The following TRAK1 variants were observed in gnomAD, a reference collection of about 807,000 sequenced individuals.
TRAK1 encodes the protein trafficking kinesin protein 1.
Under a neutral mutation model 92.1 loss-of-function variants are expected in TRAK1, and 33 were observed. The observed-to-expected ratio is 0.36, with a 90% CI of 0.27 to 0.48. The LOEUF (loss-of-function observed/expected upper bound fraction) is 0.48, where lower values mean the gene tolerates loss of function less well. Ranked by LOEUF, TRAK1 falls within the 20% of genes least tolerant of loss-of-function variation. The pLI, the probability that TRAK1 is intolerant of heterozygous loss-of-function variation, is 0.99. For missense variants in TRAK1, 1,123 were observed against 1,257.9 expected (o/e 0.89, Z 1.62); for synonymous variants, 521 against 517.3 (o/e 1.01, Z -0.10).
At chr3:42,040,969 C>T (rs145165747) in intron 1 of TRAK1, among the ~76,000 whole-genome samples, 21 of 152,174 alleles carry the variant, frequency 1.4e-4, no homozygotes, top group South Asian at 1.2e-3. Flanking sequence ...TGAGCCACTG[C>T]GCCCAGCCAC....
chr3:42,216,818 G>T (rs1190391974), intron 14 of TRAK1, among the ~76,000 whole-genome samples: 3 of 152,148 alleles, frequency 2.0e-5, no homozygotes, highest in Non-Finnish European at 2.9e-5. Context: ...ATATGTGCCT[G>T]TCTCTTCAAA....
chr3:42,145,903 C>T (rs1219538921), intron 2 of TRAK1: 1 of 242,606 alleles, frequency 4.1e-6, no homozygotes, highest in Admixed American at 5.7e-5. Flanking sequence ...TTGAAATCTC[C>T]TAGATTAATG....
Position 42,203,221 on chromosome 3 carries a change from A to G in TRAK1, c.1744+469A>G, listed in dbSNP as rs559437188. 2.0e-5 allele frequency: 22 copies of G among 1,078,752 alleles called. 1 individual carries two copies. In the South Asian group the frequency reaches 9.9e-4, roughly 49 times the overall value. The allele number at this position is 1,078,752 out of a possible 1,614,324, so 66.8% of individuals were successfully genotyped here. On this transcript the variant is annotated intron_variant, in intron 13 of 15. Coordinates refer to ENST00000327628, the MANE Select transcript of TRAK1 (RefSeq NM_001042646.3). ...TGGGGATTTTTTTTTCCCCATAACC[A>G]CCTGAATGTGATTTGTGGGCTTATG...
intron 1 of TRAK1, among the ~76,000 whole-genome samples, chr3:42,060,165 C>T (rs1367797311): frequency 6.6e-6 from 1 of 152,058 alleles, no homozygotes; most frequent in Admixed American, 6.6e-5. Context: ...AAGCTCCATC[C>T]ACATGGAGCT....
At chr3:42,035,841 A>C (rs749189235) in intron 1 of TRAK1, among the ~76,000 whole-genome samples, 12 of 152,152 alleles carry the variant, frequency 7.9e-5, no homozygotes, top group Non-Finnish European at 1.2e-4. Context: ...TCCCTTCTCC[A>C]GGACTTTTGC....
chr3:42,137,076 G>A (rs1428793075), intron 2 of TRAK1, among the ~76,000 whole-genome samples: 1 of 129,598 alleles, frequency 7.7e-6, no homozygotes, highest in Non-Finnish European at 1.7e-5. Context: ...CACTTTTTGT[G>A]AGATTTTTTT....
At chr3:42,200,295 C>T (rs1350096974) in intron 11 of TRAK1, among the ~76,000 whole-genome samples, 2 of 152,174 alleles carry the variant, frequency 1.3e-5, no homozygotes, top group Non-Finnish European at 2.9e-5. Context: ...TAAAATAACA[C>T]TTTCCAAAAT....
At chr3:42,133,164 C>T (rs993581032) in intron 2 of TRAK1, among the ~76,000 whole-genome samples, 4 of 152,096 alleles carry the variant, frequency 2.6e-5, no homozygotes, top group Non-Finnish European at 4.4e-5. Flanking sequence ...TGGGTCATGC[C>T]GCTCCTTTGT....
At chr3:42,157,689 G>A (rs1203334312) in intron 2 of TRAK1, among the ~76,000 whole-genome samples, 1 of 152,008 alleles carries the variant, frequency 6.6e-6, no homozygotes, top group Non-Finnish European at 1.5e-5. Flanking sequence ...AATCTGTTTT[G>A]AAATATGAAG....
At chr3:42,157,025 C>T (rs1371890287) in intron 2 of TRAK1, among the ~76,000 whole-genome samples, 4 of 151,698 alleles carry the variant, frequency 2.6e-5, no homozygotes, top group African/African-American at 7.3e-5. Flanking sequence ...TGGTGGCGGG[C>T]GCCTGTAATC....
At chr3:42,098,985 G>T (rs1286472222) in intron 1 of TRAK1, among the ~76,000 whole-genome samples, 1 of 152,000 alleles carries the variant, frequency 6.6e-6, no homozygotes, top group East Asian at 1.9e-4. Flanking sequence ...GGAATTGAGG[G>T]GCTGGGGGTC....
In TRAK1 at chr3:42,222,932, C is replaced by G; in HGVS notation, c.2067-10C>G. 6.2e-7 allele frequency: 1 copy of G among 1,606,730 alleles called. No individual in the cohort carries two copies. The highest frequency in any genetic ancestry group is 8.5e-7 in the Non-Finnish European group (1 of 1,174,810). On this transcript the variant is annotated splice_polypyrimidine_tract_variant and intron_variant, in intron 15 of 15. Transcript: ENST00000327628. ...ATTTCTGGTGAATAACCTGTCATTTCTTCTTTCAGCCTTAACTCAGCCCCA... is the reference window on the plus strand; with the variant it reads ...ATTTCTGGTGAATAACCTGTCATTTGTTCTTTCAGCCTTAACTCAGCCCCA...
In TRAK1 at chr3:42,164,183, T is replaced by TGAGTA; in HGVS notation, c.287-12630_287-12629insAGTAG. Among the ~76,000 whole-genome samples the TGAGTA allele has an allele frequency of 2.6e-5, 4 of 152,336 alleles. No homozygotes were observed. The South Asian group carries it at 8.3e-4, about 32-fold the overall frequency. On this transcript the variant is annotated intron_variant, in intron 2 of 15. Transcript: ENST00000327628. Reference sequence around the variant, plus strand: ...AGTCCCATGTGGAGCAGAAATACTCTGTGAGTAGTGAAAATATGTGTGTGG... The same window carrying TGAGTA: ...AGTCCCATGTGGAGCAGAAATACTCTGAGTAGTGAGTAGTGAAAATATGTGTGTGG...
intron 1 of TRAK1, among the ~76,000 whole-genome samples, chr3:42,025,983 GTC>G (rs1165521413): frequency 4.0e-5 from 6 of 151,692 alleles, no homozygotes; most frequent in African/African-American, 1.2e-4. Flanking sequence ...TTCTTCCTCT[GTC>G]TCTGTTTCTT....
At chr3:42,124,619 G>A (rs939714968) in intron 1 of TRAK1, among the ~76,000 whole-genome samples, 3 of 152,192 alleles carry the variant, frequency 2.0e-5, no homozygotes, top group African/African-American at 7.2e-5. Flanking sequence ...GGGTACAGGT[G>A]GTGGATCAAG....
intron 6 of TRAK1, among the ~76,000 whole-genome samples, chr3:42,191,197 C>T (rs1403670592): frequency 1.3e-5 from 2 of 152,048 alleles, no homozygotes; most frequent in Non-Finnish European, 1.5e-5. Flanking sequence ...AGGCACTGTG[C>T]GGGTCACAGA....
rs1710565729 is a variant in TRAK1, at chr3:42,223,613, G to A, written c.2738G>A (p.Gly913Asp). Reference sequence around the variant, plus strand: ...ATCGGTGGGCTGCAGCTCAATAGTGGCATCCGGCGGAATCGCAGCTTCCCC... The same window carrying A: ...ATCGGTGGGCTGCAGCTCAATAGTGACATCCGGCGGAATCGCAGCTTCCCC... ...SAIGGLQLNS[G>D]IRRNRSFPTM... The change falls in exon 16 of 16, where the codon GGC (glycine) becomes GAC (aspartate). Residue 913 changes from glycine to aspartate, a missense_variant. By Grantham distance (94) the Gly-to-Asp change is moderately conservative. Around this residue, in one of 3 missense-constraint regions of TRAK1, gnomAD observed 401 missense variants for 438.9 expected, o/e 0.91. Transcript: ENST00000327628. This position sits in a 1 kb window ranked among gnomAD's most constrained non-coding sequence, Gnocchi z 6.1. 2 of 1,613,824 alleles carry A rather than the reference G, an allele frequency of 1.2e-6. No homozygotes were observed. The highest frequency in any genetic ancestry group is 2.7e-5 in the African/African-American group (2 of 74,864).
At chr3:42,208,648 TG>T (rs1360112157) in intron 13 of TRAK1, among the ~76,000 whole-genome samples, 4 of 152,372 alleles carry the variant, frequency 2.6e-5, no homozygotes, top group African/African-American at 9.6e-5. Context: ...AGCATCCATT[TG>T]TGCAGGAAGC....
intron 1 of TRAK1, among the ~76,000 whole-genome samples, chr3:42,110,391 C>G (rs1708226073): frequency 6.6e-6 from 1 of 151,828 alleles, no homozygotes; most frequent in African/African-American, 2.4e-5. Context: ...CCCCTGTAAG[C>G]TGAGAGCCAT....
Sources: gnomAD v4.1 joint callset for allele counts (sites outside exome capture counted in the v4.1 genomes callset) on GRCh38, gnomAD v4.1.1 for gene constraint, gnomAD v4.1.1 regional missense constraint, Gnocchi (gnomAD v3.1) non-coding constraint, MANE v1.5 for transcripts, NCBI Gene and HGNC (gene_info 2026-07-23, HGNC 2026-07-21) for gene names.